MOB3B: variants seen among roughly 807,000 people sequenced by gnomAD.
The protein encoded by MOB3B is MOB kinase activator 3B.
In MOB3B, 7 loss-of-function variants were observed where a neutral mutation model predicts 18.7. The ratio of observed to expected loss-of-function variants is 0.37; its 90% CI spans 0.21 to 0.70. MOB3B has a LOEUF of 0.70. MOB3B is among the 30% of genes least tolerant of loss of function. The pLI is 0.52. For missense variants in MOB3B, 253 were observed against 281.3 expected (o/e 0.90, Z 0.72); for synonymous variants, 111 against 99.9 (o/e 1.11, Z -0.66).
At chr9:27,436,963 C>T (rs1371884546) in intron 2 of MOB3B, among the ~76,000 whole-genome samples, 2 of 85,634 alleles carry the variant, frequency 2.3e-5, no homozygotes, top group Non-Finnish European at 4.5e-5. Flanking sequence ...CGCAAAGGCT[C>T]GGGGAAAGGG....
intron 1 of MOB3B, among the ~76,000 whole-genome samples, chr9:27,477,258 G>T (rs1300027098): frequency 6.6e-6 from 1 of 152,110 alleles, no homozygotes; most frequent in African/African-American, 2.4e-5. Context: ...TCCTGCCTTG[G>T]CGTAATGCTT....
chr9:27,389,957 A>C (rs1006533083), intron 2 of MOB3B, among the ~76,000 whole-genome samples: 5 of 152,176 alleles, frequency 3.3e-5, no homozygotes, highest in African/African-American at 1.2e-4. Context: ...AAAAATAATT[A>C]AAAATAAAAA....
At chr9:27,343,478 T>TAA (rs779124158) in intron 3 of MOB3B, among the ~76,000 whole-genome samples, 63 of 84,286 alleles carry the variant, frequency 7.5e-4, no homozygotes, top group African/African-American at 9.5e-4. Context: ...CAATAAATAC[T>TAA]AAAAAAAAAA....
chr9:27,525,753 A>G (rs10967973), intron 1 of MOB3B, among the ~76,000 whole-genome samples: 65,151 of 152,072 alleles, frequency 0.43, 16,494 homozygotes, highest in East Asian at 0.6. Context: ...CTGAAATAAA[A>G]TGTCCAGAGT....
At position 27,343,503 on chromosome 9, in the gene MOB3B, A is replaced by G. The variant is rs1820985569; in HGVS notation, c.622-12887T>C. Reference sequence around the variant, plus strand: ...TAAAAAAAAAAAAAAAAAAAAAAGAACTAAACCTCTTTGGCTTTCAGAGTA... The same window carrying G: ...TAAAAAAAAAAAAAAAAAAAAAAGAGCTAAACCTCTTTGGCTTTCAGAGTA... On this transcript the variant is annotated intron_variant, in intron 3 of 3. Transcript: ENST00000262244. Among the ~76,000 whole-genome samples, 3 of 147,682 alleles carry G rather than the reference A, an allele frequency of 2.0e-5. No homozygotes were observed. In the East Asian group the frequency reaches 5.9e-4, roughly 29 times the overall value.
chr9:27,469,875 C>G (rs937657503), intron 1 of MOB3B, among the ~76,000 whole-genome samples: 3 of 151,984 alleles, frequency 2.0e-5, no homozygotes, highest in Admixed American at 1.3e-4. Flanking sequence ...CGCTTGAAGC[C>G]AGGAATTAGA....
At chr9:27,341,156 A>T (rs7041345) in intron 3 of MOB3B, among the ~76,000 whole-genome samples, 124,359 of 152,220 alleles carry the variant, frequency 0.82, 51,021 homozygotes, top group Middle Eastern at 0.89. Context: ...AGCAGAGAGT[A>T]CCGGAAACTC....
At chr9:27,519,442 T>G (rs942406970) in intron 1 of MOB3B, among the ~76,000 whole-genome samples, 1 of 152,198 alleles carries the variant, frequency 6.6e-6, no homozygotes, top group Non-Finnish European at 1.5e-5. Flanking sequence ...ATTTTTATAA[T>G]CCTGTATTGC....
intron 2 of MOB3B, among the ~76,000 whole-genome samples, chr9:27,428,778 C>T (rs1208559443): frequency 6.6e-6 from 1 of 152,282 alleles, no homozygotes; most frequent in East Asian, 1.9e-4. Context: ...GCTGCATGCT[C>T]AAGGGGACCA....
At position 27,392,722 on chromosome 9, in the gene MOB3B, G is replaced by A. The variant is rs574681933; in HGVS notation, c.419-33486C>T. The stretch of plus-strand genomic sequence containing the variant: ...CAGGCAGTGGAGAGACCAGTGTTTT[G>A]GAAAGATAAAAAAGTCAATTCTAAG... On this transcript the variant is annotated intron_variant, in intron 2 of 3. Coordinates refer to ENST00000262244, the MANE Select transcript of MOB3B (RefSeq NM_024761.5). 9.5e-4 allele frequency among the ~76,000 whole-genome samples: 145 copies of A among 152,230 alleles called. 3 individuals are homozygous for A. The South Asian group carries it at 0.029, about 30-fold the overall frequency.
At chr9:27,513,579 G>C (rs1820178235) in intron 1 of MOB3B, among the ~76,000 whole-genome samples, 1 of 152,024 alleles carries the variant, frequency 6.6e-6, no homozygotes, top group Non-Finnish European at 1.5e-5. Context: ...AATCTCCTTT[G>C]TATCCCTTAA....
intron 3 of MOB3B, among the ~76,000 whole-genome samples, chr9:27,356,981 G>C (rs145034853): frequency 1.3e-5 from 2 of 150,852 alleles, no homozygotes; most frequent in Admixed American, 1.3e-4. Context: ...GAGACAACTC[G>C]GTTCCTGCCC....
chr9:27,503,243 A>G (rs935672006), intron 1 of MOB3B, among the ~76,000 whole-genome samples: 10 of 152,334 alleles, frequency 6.6e-5, no homozygotes, highest in African/African-American at 2.2e-4. Flanking sequence ...TTGCCTTTAC[A>G]TGGTACCTAT....
At chr9:27,439,950 G>C (rs556252246) in intron 2 of MOB3B, among the ~76,000 whole-genome samples, 3 of 152,212 alleles carry the variant, frequency 2.0e-5, no homozygotes, top group Admixed American at 1.3e-4. Context: ...GCCCGGTGGT[G>C]GGGGGTAAGG....
intron 2 of MOB3B, among the ~76,000 whole-genome samples, chr9:27,432,112 A>G (rs536308506): frequency 2.0e-5 from 3 of 152,384 alleles, no homozygotes; most frequent in South Asian, 2.1e-4. Flanking sequence ...TAAAAGTTTA[A>G]TTAAAGGGAA....
chr9:27,347,442 G>A (rs757133083), intron 3 of MOB3B, among the ~76,000 whole-genome samples: 4 of 152,240 alleles, frequency 2.6e-5, no homozygotes, highest in Non-Finnish European at 2.9e-5. Flanking sequence ...GGAACGTAGC[G>A]CCCTGGTGAT....
chr9:27,390,507 G>A (rs1308168773), intron 2 of MOB3B, among the ~76,000 whole-genome samples: 1 of 152,142 alleles, frequency 6.6e-6, no homozygotes. Context: ...CGGCCAAGTT[G>A]CTAATATTAT....
At chr9:27,351,937 G>T (rs184045060) in intron 3 of MOB3B, among the ~76,000 whole-genome samples, 1 of 152,190 alleles carries the variant, frequency 6.6e-6, no homozygotes, top group Non-Finnish European at 1.5e-5. Flanking sequence ...GATAGTTTTG[G>T]TGGTAGAGCC....
At chr9:27,360,838 G>T (rs1380232435) in intron 2 of MOB3B, among the ~76,000 whole-genome samples, 1 of 152,208 alleles carries the variant, frequency 6.6e-6, no homozygotes, top group Non-Finnish European at 1.5e-5. Context: ...AATGAACCCA[G>T]GGAGAAGTTC....
Sources: gnomAD v4.1 joint callset for allele counts (sites outside exome capture counted in the v4.1 genomes callset) on GRCh38, gnomAD v4.1.1 for gene constraint, MANE v1.5 for transcripts, NCBI Gene and HGNC (gene_info 2026-07-23, HGNC 2026-07-21) for gene names.